Variants in ZMAT4 observed in about 807,000 individuals in gnomAD.
ZMAT4 encodes zinc finger matrin-type protein 4.
Under a neutral mutation model 28.7 loss-of-function variants are expected in ZMAT4, and 17 were observed. The observed-to-expected ratio is 0.59, with a 90% confidence interval of 0.41 to 0.89. The LOEUF is 0.89. Among genes scored for constraint, ZMAT4 ranks in the 40% least tolerant of loss-of-function variants. The pLI is 0.00. For synonymous variants in ZMAT4, 117 were observed against 109.2 expected, an observed-to-expected ratio of 1.07 and a Z score of -0.44; for missense variants, 240 against 283.8, an observed-to-expected ratio of 0.85 and a Z score of 1.11.
chr8:40,884,357 G>C (rs552667553), intron 1 of ZMAT4, among the ~76,000 whole-genome samples: 23 of 151,514 alleles, frequency 1.5e-4, no homozygotes, highest in South Asian at 2.1e-4. Context: ...CAAACATCCC[G>C]CTACTTTTCC....
chr8:40,560,602 A>G (rs1490954953), intron 6 of ZMAT4, among the ~76,000 whole-genome samples: 1 of 152,072 alleles, frequency 6.6e-6, no homozygotes, highest in East Asian at 1.9e-4. Context: ...CAAAATAAAG[A>G]CAGAGAAGAT....
chr8:40,708,671 A>C (rs1452744094), intron 3 of ZMAT4, among the ~76,000 whole-genome samples: 2 of 117,000 alleles, frequency 1.7e-5, no homozygotes, highest in Non-Finnish European at 3.4e-5. Context: ...TTTGAGAGTG[A>C]GTCTTGCTCT....
At chr8:40,851,247 G>A (rs1234055498) in intron 1 of ZMAT4, among the ~76,000 whole-genome samples, 1 of 152,180 alleles carries the variant, frequency 6.6e-6, no homozygotes, top group Non-Finnish European at 1.5e-5. Context: ...AGAATCGCTT[G>A]AACCCAGGAG....
At chr8:40,756,426 T>TTATATATATATAAATATA (rs1812684505) in intron 3 of ZMAT4, among the ~76,000 whole-genome samples, 1 of 73,284 alleles carries the variant, frequency 1.4e-5, no homozygotes, top group Admixed American at 1.8e-4. Context: ...AAATGTTCTT[T>TTATATATATATAAATATA]TATATATATA....
At chr8:40,540,707 G>A (rs1267333441) in intron 6 of ZMAT4, among the ~76,000 whole-genome samples, 1 of 152,230 alleles carries the variant, frequency 6.6e-6, no homozygotes, top group Non-Finnish European at 1.5e-5. Flanking sequence ...CATCTGAAGT[G>A]AGGGCGGTCT....
chr8:40,544,836 T>C (rs1241103629), intron 6 of ZMAT4, among the ~76,000 whole-genome samples: 1 of 152,190 alleles, frequency 6.6e-6, no homozygotes, highest in African/African-American at 2.4e-5. Flanking sequence ...TGGACCAAGG[T>C]AGCAGCTTCT....
intron 5 of ZMAT4, among the ~76,000 whole-genome samples, chr8:40,666,781 G>A (rs1199096349): frequency 1.3e-5 from 2 of 151,966 alleles, no homozygotes; most frequent in Non-Finnish European, 2.9e-5. Context: ...AACCGCATGG[G>A]TCTATTTATA....
intron 6 of ZMAT4, among the ~76,000 whole-genome samples, chr8:40,574,440 T>C (rs1804195855): frequency 6.6e-6 from 1 of 152,152 alleles, no homozygotes; most frequent in Non-Finnish European, 1.5e-5. Flanking sequence ...TCCATATTTA[T>C]AGTTAAAGGT....
intron 3 of ZMAT4, among the ~76,000 whole-genome samples, chr8:40,750,836 C>T (rs1812426122): frequency 6.6e-6 from 1 of 152,220 alleles, no homozygotes; most frequent in Admixed American, 6.5e-5. Flanking sequence ...TGGAAATTAA[C>T]CTTGCAGAAC....
intron 3 of ZMAT4, among the ~76,000 whole-genome samples, chr8:40,731,173 T>G (rs1048374619): frequency 1.5e-4 from 23 of 152,020 alleles, no homozygotes; most frequent in African/African-American, 5.6e-4. Flanking sequence ...CCACTTCCCC[T>G]GGTTGGAGGG....
intron 3 of ZMAT4, among the ~76,000 whole-genome samples, chr8:40,736,054 G>A (rs541172241): frequency 2.0e-5 from 3 of 152,318 alleles, no homozygotes; most frequent in African/African-American, 7.2e-5. Flanking sequence ...TAATGCCACA[G>A]TGCAGAGCGG....
intron 1 of ZMAT4, among the ~76,000 whole-genome samples, chr8:40,848,180 G>A (rs1304976666): frequency 6.6e-6 from 1 of 152,172 alleles, no homozygotes; most frequent in Non-Finnish European, 1.5e-5. Flanking sequence ...AAAAGGAGAG[G>A]GCTTCCAATG....
At chr8:40,841,238 G>A (rs963664285) in intron 1 of ZMAT4, among the ~76,000 whole-genome samples, 10 of 152,152 alleles carry the variant, frequency 6.6e-5, no homozygotes, top group African/African-American at 2.4e-4. Context: ...CTCTCCCCAG[G>A]ACCTCAGCCT....
chr8:40,881,447 GAA>G (rs1373524396), intron 1 of ZMAT4, among the ~76,000 whole-genome samples: 40 of 115,500 alleles, frequency 3.5e-4, no homozygotes, highest in African/African-American at 1.4e-3. Flanking sequence ...AAGAAAGAAA[GAA>G]AGAAAGAAAG....
intron 5 of ZMAT4, among the ~76,000 whole-genome samples, chr8:40,614,098 G>A (rs1289896584): frequency 6.6e-6 from 1 of 152,128 alleles, no homozygotes; most frequent in Non-Finnish European, 1.5e-5. Flanking sequence ...ACAGTCATGG[G>A]TCACTTTTTA....
chr8:40,663,257 A>G lies in ZMAT4; in HGVS notation c.577+11447T>C, dbSNP rs560445268. ...AGGGAAACTAGCCACCAACTTCTAC[A>G]TATCTCAATGCTAACTTCAAGTTGG... On this transcript the variant is annotated intron_variant, in intron 5 of 6. Transcript: ENST00000297737. Among the ~76,000 whole-genome samples, 312 of 152,188 alleles carry G rather than the reference A, an allele frequency of 2.1e-3. 1 individual carries two copies. Among genetic ancestry groups the G allele is most frequent in the African/African-American group, 6.9e-3 (288 of 41,520 alleles).
chr8:40,617,829 A>T (rs915205344), intron 5 of ZMAT4, among the ~76,000 whole-genome samples: 1 of 152,202 alleles, frequency 6.6e-6, no homozygotes, highest in Non-Finnish European at 1.5e-5. Context: ...CACAGAAACA[A>T]ACGGTTTACT....
At chr8:40,666,709 TA>T (rs1808429076) in intron 5 of ZMAT4, among the ~76,000 whole-genome samples, 1 of 152,066 alleles carries the variant, frequency 6.6e-6, no homozygotes, top group African/African-American at 2.4e-5. Context: ...AAAACTACAA[TA>T]CAATGTATAC....
At position 40,606,906 on chromosome 8, in the gene ZMAT4, A is replaced by C. The variant is rs865802650; in HGVS notation, c.578-25645T>G. On this transcript the variant is annotated intron_variant, in intron 5 of 6. Coordinates refer to ENST00000297737, the MANE Select transcript of ZMAT4 (RefSeq NM_024645.3). ...GGAGGCTTTGTTCATTTTTTTAAAA[A>C]TCCTTTTTTCTTTGTCTTTGTTGGA... Among the ~76,000 whole-genome samples, 44 of 152,244 alleles carry C rather than the reference A, an allele frequency of 2.9e-4. 1 individual carries two copies. Among genetic ancestry groups the C allele is most frequent in the Middle Eastern group, 3.4e-3 (1 of 294 alleles).
Sources: gnomAD v4.1 joint callset for allele counts (sites outside exome capture counted in the v4.1 genomes callset) on GRCh38, gnomAD v4.1.1 for gene constraint, MANE v1.5 for transcripts, NCBI Gene and HGNC (gene_info 2026-07-23, HGNC 2026-07-21) for gene names.